Variants in WWOX observed in about 807,000 individuals in gnomAD.
WWOX encodes WW domain containing oxidoreductase.
A neutral mutation model predicts 46.2 loss-of-function variants in WWOX; 69 were observed. The ratio of observed to expected loss-of-function variants is 1.49; its 90% CI spans 1.23 to 1.82. The LOEUF (loss-of-function observed/expected upper bound fraction) is 1.82. Ranked by LOEUF, WWOX falls within the 40% of genes most tolerant of loss-of-function variation. The pLI, the probability that WWOX is intolerant of heterozygous loss-of-function variation, is 0.00. For missense variants in WWOX, 919 were observed against 542.6 expected (o/e 1.69, Z -6.89); for synonymous variants, 359 against 202.6 (o/e 1.77, Z -6.56).
At chr16:78,653,472 G>C (rs1444283805) in intron 8 of WWOX, among the ~76,000 whole-genome samples, 2 of 152,220 alleles carry the variant, frequency 1.3e-5, no homozygotes, top group Non-Finnish European at 2.9e-5. Context: ...TTTAGAAATA[G>C]GTATGTGACC....
chr16:78,321,306 ATATATATGCG>A (rs1386646538), intron 5 of WWOX, among the ~76,000 whole-genome samples: 24 of 74,208 alleles, frequency 3.2e-4, no homozygotes, highest in African/African-American at 1.2e-3. Context: ...ATATATACGT[ATATATATGCG>A]TATATATATA....
At chr16:78,826,011 C>G (rs1225630831) in intron 8 of WWOX, 1 of 561,222 alleles carries the variant, frequency 1.8e-6, no homozygotes, top group East Asian at 3.1e-5. Context: ...GCATAACGGG[C>G]TGTCCTTGGC....
chr16:78,633,078 C>T (rs766518444), intron 8 of WWOX, among the ~76,000 whole-genome samples: 3 of 152,024 alleles, frequency 2.0e-5, no homozygotes, highest in Non-Finnish European at 4.4e-5. Context: ...ATCTGGCCAA[C>T]ATGGTGAAAC....
rs201715457 is a variant in WWOX, at chr16:79,074,884, A to T, written c.1057-136724A>T. Among the ~76,000 whole-genome samples the T allele has an allele frequency of 0.024, 516 of 21,068 alleles. 15 individuals carry two copies. In the East Asian group the frequency reaches 0.43, roughly 18 times the overall value. 13.8% of individuals were successfully genotyped at this position (21,068 alleles called of 152,430 possible). On this transcript the variant is annotated intron_variant, in intron 8 of 8. Coordinates refer to ENST00000566780, the MANE Select transcript of WWOX (RefSeq NM_016373.4). Reference sequence around the variant, plus strand: ...TTTAGTTTTTAGATACAGAACCTTTAAAAAAAAAGAAAAATAAACGTTTTG... The same window carrying T: ...TTTAGTTTTTAGATACAGAACCTTTTAAAAAAAAGAAAAATAAACGTTTTG...
intron 6 of WWOX, among the ~76,000 whole-genome samples, chr16:78,392,163 G>C (rs2082189389): frequency 6.6e-6 from 1 of 152,076 alleles, no homozygotes; most frequent in Admixed American, 6.5e-5. Context: ...GCAAGCATAG[G>C]AAGCTGCGTC....
chr16:78,116,865 C>T (rs1205672507), intron 4 of WWOX, among the ~76,000 whole-genome samples: 1 of 152,182 alleles, frequency 6.6e-6, no homozygotes, highest in South Asian at 2.1e-4. Context: ...TATGTGACTA[C>T]TGATTGTTTT....
chr16:78,358,304 T>G (rs2081339436), intron 5 of WWOX, among the ~76,000 whole-genome samples: 1 of 152,222 alleles, frequency 6.6e-6, no homozygotes, highest in Non-Finnish European at 1.5e-5. Flanking sequence ...TTGATTAAAT[T>G]AGAACTCTGC....
chr16:78,213,936 C>G (rs553897547), intron 5 of WWOX, among the ~76,000 whole-genome samples: 4 of 152,264 alleles, frequency 2.6e-5, no homozygotes, highest in African/African-American at 7.2e-5. Context: ...GTGAGCATGT[C>G]ACGCTGTGGC....
chr16:79,095,036 G>T (rs2049040907), intron 8 of WWOX, among the ~76,000 whole-genome samples: 1 of 152,250 alleles, frequency 6.6e-6, no homozygotes. Context: ...GTGATTTCTG[G>T]TCCACAAATT....
At chr16:78,331,570 C>G in intron 5 of WWOX, among the ~76,000 whole-genome samples, 1 of 152,196 alleles carries the variant, frequency 6.6e-6, no homozygotes, top group East Asian at 1.9e-4. Flanking sequence ...GTCTACCAGG[C>G]AGCACACAGA....
chr16:79,074,409 CTTTTTTTTTTTTTTTTTTTTT>C (rs60074156), intron 8 of WWOX, among the ~76,000 whole-genome samples: 5 of 30,988 alleles, frequency 1.6e-4, no homozygotes, highest in East Asian at 1.4e-3. Flanking sequence ...GTCACTAGTC[CTTTTTTTTTTTTTTTTTTTTT>C]TTTTTTTTTT....
At chr16:78,534,202 C>T (rs1276426080) in intron 8 of WWOX, among the ~76,000 whole-genome samples, 3 of 152,202 alleles carry the variant, frequency 2.0e-5, no homozygotes, top group East Asian at 1.9e-4. Context: ...GAGGCTTACC[C>T]ACTCTGAGTC....
intron 5 of WWOX, among the ~76,000 whole-genome samples, chr16:78,368,892 C>T (rs1250651238): frequency 2.0e-5 from 3 of 152,196 alleles, no homozygotes; most frequent in African/African-American, 7.2e-5. Context: ...CAGAATGGTA[C>T]ATCCCACCAC....
At chr16:78,141,803 G>T (rs931159687) in intron 4 of WWOX, among the ~76,000 whole-genome samples, 1 of 151,858 alleles carries the variant, frequency 6.6e-6, no homozygotes, top group African/African-American at 2.4e-5. Flanking sequence ...AAGTAGTATT[G>T]ATTTCAGAAT....
intron 8 of WWOX, among the ~76,000 whole-genome samples, chr16:78,723,115 A>G (rs971875022): frequency 2.6e-5 from 4 of 152,168 alleles, no homozygotes; most frequent in African/African-American, 9.7e-5. Context: ...TGATTGAGTA[A>G]AAGTGAAAGA....
chr16:79,000,782 T>C (rs1436933592), intron 8 of WWOX, among the ~76,000 whole-genome samples: 2 of 152,188 alleles, frequency 1.3e-5, no homozygotes, highest in African/African-American at 4.8e-5. Flanking sequence ...CCCTATAATA[T>C]ACCCTCTAAA....
chr16:78,940,581 A>G (rs2045831933), intron 8 of WWOX, among the ~76,000 whole-genome samples: 2 of 152,176 alleles, frequency 1.3e-5, no homozygotes, highest in South Asian at 2.1e-4. Flanking sequence ...GTGGGGGTAT[A>G]TAGGTTTTCT....
chr16:78,938,270 G>T (rs148594165), intron 8 of WWOX, among the ~76,000 whole-genome samples: 2 of 152,214 alleles, frequency 1.3e-5, no homozygotes, highest in African/African-American at 4.8e-5. Context: ...ACAGGAAGTA[G>T]ATCAGTGTTG....
intron 5 of WWOX, among the ~76,000 whole-genome samples, chr16:78,203,767 A>G (rs1275916866): frequency 6.6e-6 from 1 of 152,198 alleles, no homozygotes; most frequent in Non-Finnish European, 1.5e-5. Context: ...GTCTTGGGCA[A>G]GCGCGTGCTA....
Sources: gnomAD v4.1 joint callset for allele counts (sites outside exome capture counted in the v4.1 genomes callset) on GRCh38, gnomAD v4.1.1 for gene constraint, MANE v1.5 for transcripts, NCBI Gene and HGNC (gene_info 2026-07-23, HGNC 2026-07-21) for gene names.